Variants in MMP16 observed in about 807,000 individuals in gnomAD.
The protein encoded by MMP16 is matrix metallopeptidase 16.
Under a neutral mutation model 67.8 loss-of-function variants are expected in MMP16, and 12 were observed. The ratio of observed to expected loss-of-function variants is 0.18; its 90% CI spans 0.11 to 0.29. The LOEUF (loss-of-function observed/expected upper bound fraction) is 0.29, where lower values mean the gene tolerates loss of function less well. MMP16 is among the 10% of genes least tolerant of loss of function. MMP16 has a pLI of 1.00. For synonymous variants in MMP16, 249 were observed against 255.9 expected, an observed-to-expected ratio of 0.97 and a Z score of 0.26; for missense variants, 475 against 765.7, an observed-to-expected ratio of 0.62 and a Z score of 4.48.
chr8:88,182,676 T>C (rs1470670986), intron 3 of MMP16, among the ~76,000 whole-genome samples: 1 of 152,138 alleles, frequency 6.6e-6, no homozygotes, highest in Non-Finnish European at 1.5e-5. Flanking sequence ...AACCGTAGTC[T>C]TATCATATGA....
intron 6 of MMP16, among the ~76,000 whole-genome samples, chr8:88,088,771 G>C (rs1185007361): frequency 6.6e-6 from 1 of 152,070 alleles, no homozygotes; most frequent in Non-Finnish European, 1.5e-5. Context: ...ACAACTTGCT[G>C]TGGAGTAAAA....
At chr8:88,145,301 T>C (rs556741355) in intron 4 of MMP16, among the ~76,000 whole-genome samples, 1 of 152,056 alleles carries the variant, frequency 6.6e-6, no homozygotes, top group African/African-American at 2.4e-5. Flanking sequence ...GTAACACAAT[T>C]ATAAATATTT....
intron 1 of MMP16, among the ~76,000 whole-genome samples, chr8:88,318,544 T>C (rs1006979391): frequency 6.6e-6 from 1 of 152,178 alleles, no homozygotes; most frequent in Admixed American, 6.5e-5. Context: ...ACTGGGAACC[T>C]GGAAGTTAAT....
chr8:88,229,403 C>T lies in MMP16; in HGVS notation c.133-32097G>A, dbSNP rs146973606. ...AGAAGAAAAAAGTAACAAATCAAAA[C>T]GGGGTATGCTCTCCAATCTCAACAT... On this transcript the variant is annotated intron_variant, in intron 1 of 9. Transcript: ENST00000286614. Among the ~76,000 whole-genome samples, 790 of 151,900 alleles carry T rather than the reference C, an allele frequency of 5.2e-3. 11 individuals are homozygous for T. Among genetic ancestry groups the T allele is most frequent in the African/African-American group, 0.018 (755 of 41,436 alleles).
At chr8:88,152,336 A>G (rs1808424165) in intron 4 of MMP16, among the ~76,000 whole-genome samples, 1 of 126,300 alleles carries the variant, frequency 7.9e-6, no homozygotes, top group Non-Finnish European at 1.6e-5. Context: ...TCAATAGAAA[A>G]AGAGGGACTC....
chr8:88,089,396 A>G (rs953956545), intron 6 of MMP16, among the ~76,000 whole-genome samples: 3 of 151,988 alleles, frequency 2.0e-5, no homozygotes, highest in African/African-American at 7.2e-5. Context: ...ATAAGATTTG[A>G]TGACCAGGAG....
intron 1 of MMP16, among the ~76,000 whole-genome samples, chr8:88,233,801 T>C (rs1239534678): frequency 6.6e-6 from 1 of 152,184 alleles, no homozygotes; most frequent in Non-Finnish European, 1.5e-5. Flanking sequence ...ATGTGGGACC[T>C]TCTCATTCAG....
At chr8:88,306,893 T>C (rs113400065) in intron 1 of MMP16, among the ~76,000 whole-genome samples, 3,563 of 152,124 alleles carry the variant, frequency 0.023, 157 homozygotes, top group African/African-American at 0.081. Flanking sequence ...CCTCTTACCA[T>C]TCCTATTCAA....
chr8:88,301,863 C>T (rs909943028), intron 1 of MMP16, among the ~76,000 whole-genome samples: 2 of 152,192 alleles, frequency 1.3e-5, no homozygotes, highest in Non-Finnish European at 2.9e-5. Flanking sequence ...CATACCTCAA[C>T]ATTCAAATGG....
rs59310737 is a variant in MMP16 at position 88,184,563 on chromosome 8, G to GAAAA, written c.404+1909_404+1912dup. 3.4e-3 allele frequency among the ~76,000 whole-genome samples: 37 copies of GAAAA among 10,928 alleles called. 8 individuals are homozygous for GAAAA. Among genetic ancestry groups the GAAAA allele is most frequent in the Admixed American group, 4.4e-3 (2 of 456 alleles). The allele number at this position is 10,928 out of a possible 152,430, so 7.2% of individuals were successfully genotyped here. ...GGGCAAATGGTAAAACTCTCTCTCT[G>GAAAA]AAAAAAAAAAAAAAAAAAAAAAAAA... On this transcript the variant is annotated intron_variant, in intron 3 of 9. Coordinates refer to ENST00000286614, the MANE Select transcript of MMP16 (RefSeq NM_005941.5).
intron 7 of MMP16, among the ~76,000 whole-genome samples, chr8:88,060,766 C>T (rs1176263419): frequency 6.6e-6 from 1 of 152,046 alleles, no homozygotes; most frequent in Non-Finnish European, 1.5e-5. Context: ...ACATCGAACA[C>T]ATTATTTTCG....
intron 1 of MMP16, among the ~76,000 whole-genome samples, chr8:88,217,393 G>A (rs577316350): frequency 3.3e-5 from 5 of 151,826 alleles, no homozygotes; most frequent in African/African-American, 1.2e-4. Context: ...TTACTACTAT[G>A]GTAACAAATA....
At chr8:88,303,405 C>A (rs1294532798) in intron 1 of MMP16, among the ~76,000 whole-genome samples, 1 of 152,174 alleles carries the variant, frequency 6.6e-6, no homozygotes, top group African/African-American at 2.4e-5. Context: ...GAGAGTCTAG[C>A]CTGTCCAGAA....
intron 1 of MMP16, among the ~76,000 whole-genome samples, chr8:88,272,014 C>G (rs539239963): frequency 6.6e-6 from 1 of 152,068 alleles, no homozygotes; most frequent in South Asian, 2.1e-4. Flanking sequence ...GGAGACAACA[C>G]GCACCTGATA....
At chr8:88,288,736 G>A (rs773978324) in intron 1 of MMP16, among the ~76,000 whole-genome samples, 1 of 152,120 alleles carries the variant, frequency 6.6e-6, no homozygotes, top group South Asian at 2.1e-4. Flanking sequence ...GGAAACCAAT[G>A]TTTATTGTGT....
At chr8:88,049,158 A>T (rs978601075) in intron 8 of MMP16, among the ~76,000 whole-genome samples, 1 of 152,228 alleles carries the variant, frequency 6.6e-6, no homozygotes, top group African/African-American at 2.4e-5. Flanking sequence ...CGAACAGATC[A>T]GAAATAGCTT....
At chr8:88,302,537 AAATC>A (rs1392701174) in intron 1 of MMP16, among the ~76,000 whole-genome samples, 2 of 152,172 alleles carry the variant, frequency 1.3e-5, no homozygotes, top group Admixed American at 6.5e-5. Flanking sequence ...TAACAACCCT[AAATC>A]ACACTTTAAT....
Position 88,041,735 on chromosome 8 carries a change from A to G in MMP16, c.1550T>C (p.Val517Ala), listed in dbSNP as rs921880030. 6.2e-7 allele frequency: 1 copy of G among 1,613,712 alleles called. No homozygotes were observed. The highest frequency in any genetic ancestry group is 8.5e-7 in the Non-Finnish European group (1 of 1,179,972). ...YWKFNNQILK[V>A]EPGYPRSILK... ...GATGGATCTTGGATATCCAGGTTCT[A>G]CCTTGAGTATCTGGTTGTTGAATTT... The change falls in exon 10 of 10, where the codon GTA (valine) becomes GCA (alanine). Residue 517 changes from valine (V) to alanine (A), a missense_variant. Around this residue, in one of 5 missense-constraint regions of MMP16, gnomAD observed 23 missense variants for 79.1 expected, o/e 0.29. Transcript: ENST00000286614. The surrounding 1 kb of genome is among the most constrained non-coding windows in gnomAD (Gnocchi z 6.0).
At chr8:88,145,574 A>G (rs893303142) in intron 4 of MMP16, among the ~76,000 whole-genome samples, 1 of 151,960 alleles carries the variant, frequency 6.6e-6, no homozygotes, top group Admixed American at 6.6e-5. Context: ...AATAGATCTC[A>G]TATCCTGCAA....
Sources: allele counts gnomAD v4.1 joint callset (sites outside exome capture counted in the v4.1 genomes callset), GRCh38; gene constraint gnomAD v4.1.1; regional missense constraint gnomAD v4.1.1; non-coding constraint Gnocchi (gnomAD v3.1); transcripts MANE v1.5; gene names NCBI Gene and HGNC (gene_info 2026-07-23, HGNC 2026-07-21).